CHRM3: variants seen among roughly 807,000 people sequenced by gnomAD.
CHRM3 encodes the protein muscarinic acetylcholine receptor M3.
A neutral mutation model predicts 41.8 loss-of-function variants in CHRM3; 11 were observed. That is an observed-to-expected ratio of 0.26 (90% CI 0.17 to 0.44). The LOEUF is 0.44. Ranked by LOEUF, CHRM3 falls within the 20% of genes least tolerant of loss-of-function variation. CHRM3 has a pLI of 1.00. For missense variants in CHRM3, 571 were observed against 745.4 expected (o/e 0.77, Z 2.72); for synonymous variants, 297 against 301.4 (o/e 0.99, Z 0.15).
At chr1:239,636,308 C>T (rs1573048964) in intron 4 of CHRM3, among the ~76,000 whole-genome samples, 1 of 152,228 alleles carries the variant, frequency 6.6e-6, no homozygotes. Flanking sequence ...AACAAACATT[C>T]CAGATAACAA....
At chr1:239,741,430 A>G (rs1664839558) in intron 5 of CHRM3, among the ~76,000 whole-genome samples, 1 of 152,146 alleles carries the variant, frequency 6.6e-6, no homozygotes, top group South Asian at 2.1e-4. Flanking sequence ...GACCTTCTTC[A>G]AGGAAGGTTA....
At chr1:239,573,290 C>T (rs1662001186) in intron 3 of CHRM3, among the ~76,000 whole-genome samples, 1 of 152,102 alleles carries the variant, frequency 6.6e-6, no homozygotes, top group South Asian at 2.1e-4. Flanking sequence ...TGAGTTCCTT[C>T]TGCGTGAAGA....
intron 1 of CHRM3, among the ~76,000 whole-genome samples, chr1:239,487,048 G>A (rs2148036077): frequency 6.6e-6 from 1 of 152,274 alleles, no homozygotes; most frequent in East Asian, 1.9e-4. Context: ...AGCTGATGCA[G>A]AACATATTAA....
intron 5 of CHRM3, among the ~76,000 whole-genome samples, chr1:239,765,043 A>T (rs1460774253): frequency 6.6e-6 from 1 of 152,234 alleles, no homozygotes; most frequent in Admixed American, 6.5e-5. Flanking sequence ...GGAATCACAG[A>T]CTTACAACAG....
intron 2 of CHRM3, among the ~76,000 whole-genome samples, chr1:239,494,635 A>G (rs371562526): frequency 6.2e-4 from 94 of 152,156 alleles, no homozygotes; most frequent in South Asian, 3.3e-3. Context: ...TGCTGCACCT[A>G]TCAACCCATC....
In CHRM3 at chr1:239,752,772, G is replaced by A. The variant is rs564145377; in HGVS notation, c.-146-74480G>A. 6.6e-5 allele frequency among the ~76,000 whole-genome samples: 10 copies of A among 152,216 alleles called. 1 individual carries two copies. The South Asian group carries it at 1.9e-3, about 28-fold the overall frequency. On this transcript the variant is annotated intron_variant, in intron 5 of 6. Transcript: ENST00000676153. ...TAATTTTTCTAATATGGAAAATTCT[G>A]AAATTACTCTGAAATGTGATAATAA... is the stretch of plus-strand genomic sequence containing the variant.
At chr1:239,465,933 C>T (rs1381240454) in intron 1 of CHRM3, among the ~76,000 whole-genome samples, 1 of 152,118 alleles carries the variant, frequency 6.6e-6, no homozygotes, top group Non-Finnish European at 1.5e-5. Flanking sequence ...CCTCCTCGGC[C>T]TACTCAACAG....
chr1:239,876,195 A>G (rs1677096196), intron 6 of CHRM3, among the ~76,000 whole-genome samples: 1 of 152,252 alleles, frequency 6.6e-6, no homozygotes, highest in South Asian at 2.1e-4. Flanking sequence ...TTGAATAGCC[A>G]GCTTCATTTT....
intron 1 of CHRM3, among the ~76,000 whole-genome samples, chr1:239,397,647 G>A (rs997240203): frequency 5.8e-4 from 87 of 150,326 alleles, no homozygotes; most frequent in Admixed American, 5.6e-3. Flanking sequence ...ACTCCAGCCC[G>A]GGCAACAGAG....
chr1:239,694,358 TAGG>T (rs1276285262), intron 5 of CHRM3, among the ~76,000 whole-genome samples: 1 of 152,228 alleles, frequency 6.6e-6, no homozygotes, highest in Non-Finnish European at 1.5e-5. Flanking sequence ...TCACAGGTTC[TAGG>T]GAGCTCATCC....
At chr1:239,844,195 G>A (rs1674075867) in intron 6 of CHRM3, among the ~76,000 whole-genome samples, 1 of 152,032 alleles carries the variant, frequency 6.6e-6, no homozygotes, top group African/African-American at 2.4e-5. Flanking sequence ...CAGAAATTTT[G>A]TATCCTTTGA....
At chr1:239,388,194 G>A (rs1658700091) in intron 1 of CHRM3, among the ~76,000 whole-genome samples, 1 of 150,970 alleles carries the variant, frequency 6.6e-6, no homozygotes, top group Non-Finnish European at 1.5e-5. Flanking sequence ...AGTGTTACTG[G>A]AACCTGTCCA....
intron 2 of CHRM3, among the ~76,000 whole-genome samples, chr1:239,506,836 A>C (rs570206450): frequency 2.0e-5 from 3 of 152,132 alleles, no homozygotes; most frequent in Non-Finnish European, 4.4e-5. Flanking sequence ...GACCATGGGA[A>C]CCCACCTCTT....
chr1:239,448,679 A>G (rs781445040), intron 1 of CHRM3, among the ~76,000 whole-genome samples: 1 of 152,294 alleles, frequency 6.6e-6, no homozygotes, highest in African/African-American at 2.4e-5. Flanking sequence ...TTCTCTCCTC[A>G]TGACTAAAAT....
chr1:239,519,044 T>C (rs1286692029), intron 2 of CHRM3, among the ~76,000 whole-genome samples: 1 of 152,220 alleles, frequency 6.6e-6, no homozygotes, highest in African/African-American at 2.4e-5. Flanking sequence ...TAAAAGTCTC[T>C]ATTTTTTTCA....
At chr1:239,708,609 C>A (rs1446298494) in intron 5 of CHRM3, among the ~76,000 whole-genome samples, 1 of 152,080 alleles carries the variant, frequency 6.6e-6, no homozygotes, top group Non-Finnish European at 1.5e-5. Context: ...AAATGTTCAT[C>A]CCATAATTTT....
chr1:239,911,064 A>G lies in CHRM3; in HGVS notation c.*1840A>G, dbSNP rs550771816. The G allele has an allele frequency of 6.0e-6, 1 of 167,212 alleles. No individual in the cohort carries two copies. The highest frequency in any genetic ancestry group is 1.9e-4 in the East Asian group (1 of 5,194). The allele number at this position is 167,212 out of a possible 1,614,324, so 10.4% of individuals were successfully genotyped here. ...GGTCCACTTGAGCAATGAATAGAGTATATTGGAGCTTTCCTGTGGCTAAGA... is the reference window on the plus strand; with the variant it reads ...GGTCCACTTGAGCAATGAATAGAGTGTATTGGAGCTTTCCTGTGGCTAAGA... On this transcript the variant is annotated 3_prime_UTR_variant, in exon 7 of 7. Transcript: ENST00000676153.
intron 5 of CHRM3, among the ~76,000 whole-genome samples, chr1:239,750,479 A>G (rs1225281648): frequency 6.6e-6 from 1 of 152,128 alleles, no homozygotes; most frequent in Non-Finnish European, 1.5e-5. Flanking sequence ...TCATCTGAGG[A>G]CTTGTTCTTC....
chr1:239,755,146 A>G (rs776044119), intron 5 of CHRM3, among the ~76,000 whole-genome samples: 15 of 152,130 alleles, frequency 9.9e-5, no homozygotes, highest in Non-Finnish European at 2.1e-4. Context: ...CAATGCTTCT[A>G]TTACCCAGGT....
Sources: allele counts gnomAD v4.1 joint callset (sites outside exome capture counted in the v4.1 genomes callset), GRCh38; gene constraint gnomAD v4.1.1; transcripts MANE v1.5; gene names NCBI Gene and HGNC (gene_info 2026-07-23, HGNC 2026-07-21).